Variants in MYBPC3 observed in about 807,000 individuals in gnomAD.
MYBPC3 encodes the protein myosin-binding protein C, cardiac-type.
MYBPC3 carries 108 observed loss-of-function variants against 159.3 expected under a neutral mutation model. The ratio of observed to expected loss-of-function variants is 0.68; its 90% confidence interval spans 0.58 to 0.80. The LOEUF is 0.80. Among genes scored for constraint, MYBPC3 ranks in the 30% least tolerant of loss-of-function variants. MYBPC3 has a pLI of 0.00. For missense variants in MYBPC3, 1,631 were observed against 1,762.1 expected, an observed-to-expected ratio of 0.93 and a Z score of 1.33; for synonymous variants, 730 against 702.0, an observed-to-expected ratio of 1.04 and a Z score of -0.63.
chr11:47,338,694 A>C lies in MYBPC3; in HGVS notation c.2149-15T>G. ...TCACACAGCAGCTGGGGGGGTGCAG[A>C]GTTGGGGTGAGATCCAAGTCAGACC... On this transcript the variant is annotated splice_polypyrimidine_tract_variant and intron_variant, in intron 22 of 34. Coordinates refer to ENST00000545968, the MANE Select transcript of MYBPC3 (RefSeq NM_000256.3). This position sits in a 1 kb window ranked among gnomAD's most constrained non-coding sequence, Gnocchi z 4.7. The C allele has an allele frequency of 6.3e-7, 1 of 1,599,984 alleles. No individual in the cohort carries two copies. The highest frequency in any genetic ancestry group is 1.3e-5 in the African/African-American group (1 of 74,798).
intron 13 of MYBPC3, 73 bp from the exon 14 acceptor site, chr11:47,343,335 G>A: frequency 1.3e-6 from 2 of 1,508,460 alleles, no homozygotes; most frequent in Non-Finnish European, 1.8e-6. Flanking sequence ...GAGAGAGAGA[G>A]AGGGACCGGC....
intron 27 of MYBPC3, among the ~76,000 whole-genome samples, 196 bp from the exon 28 acceptor site, chr11:47,334,206 CA>C (rs2095880172): frequency 6.6e-6 from 1 of 152,258 alleles, no homozygotes; most frequent in Non-Finnish European, 1.5e-5. Context: ...CCCCGAGCCT[CA>C]CCACTTCAAA....
chr11:47,335,856 G>A (rs781447027), intron 26 of MYBPC3, 21 bp downstream of exon 26: 2 of 1,412,718 alleles, frequency 1.4e-6, no homozygotes, highest in South Asian at 1.5e-5. Context: ...GGGGAGGGGG[G>A]TTGGGGGCGG....
chr11:47,339,909 G>A (rs367673188), intron 20 of MYBPC3, 119 bp from the exon 21 acceptor site: 4 of 1,138,030 alleles, frequency 3.5e-6, no homozygotes, highest in East Asian at 2.4e-5. Flanking sequence ...TTTGTATTGA[G>A]GTATAGTTTA....
rs1310929488 is a variant in MYBPC3, at chr11:47,351,270, C to T, written c.261G>A (p.Lys87=). ...GSYAVIAGSS[K]VKFDLKVIEA... ...CTATGACCTTGAGGTCGAACTTGACCTTGGAGGAGCCAGCAATGACTGCGT... is the reference window on the plus strand; with the variant it reads ...CTATGACCTTGAGGTCGAACTTGACTTTGGAGGAGCCAGCAATGACTGCGT... Residue 87 remains lysine, a synonymous_variant, in exon 2 of 35, where the codon AAG becomes AAA. Coordinates refer to ENST00000545968, the MANE Select transcript of MYBPC3 (RefSeq NM_000256.3). The surrounding 1 kb of genome is among the most constrained non-coding windows in gnomAD (Gnocchi z 4.2). 1.3e-6 allele frequency: 2 copies of T among 1,554,384 alleles called. No homozygotes were observed. The highest frequency in any genetic ancestry group is 1.7e-6 in the Non-Finnish European group (2 of 1,145,202).
At chr11:47,343,783 T>C (rs2095891710) in intron 12 of MYBPC3, among the ~76,000 whole-genome samples, 159 bp from the exon 13 acceptor site, 1 of 152,080 alleles carries the variant, frequency 6.6e-6, no homozygotes, top group Non-Finnish European at 1.5e-5. Context: ...TTTGTTTTGT[T>C]TGTTTGTCTG....
In MYBPC3 at chr11:47,342,917, G is replaced by A. The variant is rs370538243; in HGVS notation, c.1370C>T (p.Thr457Met). 1.1e-4 allele frequency: 177 copies of A among 1,611,942 alleles called. 1 individual carries two copies. In the South Asian group the frequency reaches 1.6e-3, roughly 14 times the overall value. The change falls in exon 16 of 35, where the codon ACG (threonine) becomes ATG (methionine). Residue 457 changes from threonine to methionine, a missense_variant. Transcript: ENST00000545968. ...LFVKEPPVLI[T>M]RPLEDQLVMV... Reference sequence around the variant, plus strand: ...CACCAGCTGGTCCTCCAAGGGGCGCGTGATGAGCACAGGGGGCTCTGTCCA... The same window carrying A: ...CACCAGCTGGTCCTCCAAGGGGCGCATGATGAGCACAGGGGGCTCTGTCCA...
rs2095902020 is a variant in MYBPC3 at position 47,352,664 on chromosome 11, C to T, written c.-17G>A. ...CTCAGGCATCCTGAGAGACGTCACA[C>T]CAGGCACGAAGCAGGCACAGGTCAC... On this transcript the variant is annotated 5_prime_UTR_variant, in exon 1 of 35. In the 5' UTR this introduces an upstream ATG that the reference lacks. Coordinates refer to ENST00000545968, the MANE Select transcript of MYBPC3 (RefSeq NM_000256.3). 6.3e-7 allele frequency: 1 copy of T among 1,587,676 alleles called. No homozygotes were observed. The highest frequency in any genetic ancestry group is 8.6e-7 in the Non-Finnish European group (1 of 1,167,382).
At position 47,346,472 on chromosome 11, in the gene MYBPC3, C is replaced by G; in HGVS notation, c.927-102G>C. The G allele has an allele frequency of 6.8e-7, 1 of 1,460,110 alleles. No homozygotes were observed. The highest frequency in any genetic ancestry group is 2.4e-5 in the East Asian group (1 of 40,932). The allele number at this position is 1,460,110 out of a possible 1,614,324, so 90.4% of individuals were successfully genotyped here. A position where few individuals can be genotyped will look rare whatever the true frequency, so the allele number is the denominator to read the frequency against. On this transcript the variant is annotated intron_variant, in intron 11 of 34. Coordinates refer to ENST00000545968, the MANE Select transcript of MYBPC3 (RefSeq NM_000256.3). The surrounding 1 kb of genome is among the most constrained non-coding windows in gnomAD (Gnocchi z 5.3). The stretch of plus-strand genomic sequence containing the variant: ...AGGAGCTGTAGCCACCCCTGTCCCT[C>G]TGCCCCTTCCCTTCTGGTGGGGCAG...
At position 47,332,160 on chromosome 11, in the gene MYBPC3, C is replaced by A. The variant is rs778267366; in HGVS notation, c.3726G>T (p.Lys1242Asn). The stretch of plus-strand genomic sequence containing the variant: ...AGATGCCCCCGTCAAAGGGGCAGGG[C>A]TTTCTAATCTCCAGAGTCAACACTC... ...KQGVLTLEIRKPCPFDGGIYV... is the reference protein window; with the variant it reads ...KQGVLTLEIRNPCPFDGGIYV... Residue 1242 changes from lysine to asparagine, a missense_variant, in exon 33 of 35, where the codon AAG (lysine) becomes AAT (asparagine). By Grantham distance (94) the Lys-to-Asn change is moderately conservative. Coordinates refer to ENST00000545968, the MANE Select transcript of MYBPC3 (RefSeq NM_000256.3). This position sits in a 1 kb window ranked among gnomAD's most constrained non-coding sequence, Gnocchi z 4.2. The A allele has an allele frequency of 4.3e-6, 7 of 1,613,682 alleles. No individual in the cohort carries two copies. Among genetic ancestry groups the A allele is most frequent in the Non-Finnish European group, 5.9e-6 (7 of 1,179,912 alleles).
intron 3 of MYBPC3, 78 bp downstream of exon 3, chr11:47,350,424 C>T (rs2095899497): frequency 1.3e-6 from 2 of 1,523,292 alleles, no homozygotes; most frequent in Non-Finnish European, 8.8e-7. Flanking sequence ...CCGCACCTGG[C>T]CCAGCAAAGG....
rs540631559 is a variant in MYBPC3, at chr11:47,341,609, C to G, written c.1791-365G>C. ...AGGGCCTCTGGCCAGAGCCGGCCTC[C>G]TTGGTGGCCTCCTGCCCTGCCCTGG... On this transcript the variant is annotated intron_variant, in intron 18 of 34. Coordinates refer to ENST00000545968, the MANE Select transcript of MYBPC3 (RefSeq NM_000256.3). Among the ~76,000 whole-genome samples, 4 of 152,288 alleles carry G rather than the reference C, an allele frequency of 2.6e-5. No individual in the cohort carries two copies. In the East Asian group the frequency reaches 7.7e-4, roughly 29 times the overall value.
In MYBPC3 at chr11:47,343,478, A is replaced by ACC; in HGVS notation, c.1223+12_1223+13dup. On this transcript the variant is annotated intron_variant, in intron 13 of 34. Coordinates refer to ENST00000545968, the MANE Select transcript of MYBPC3 (RefSeq NM_000256.3). ...CACCTCCACCCGAGCCCCCCTCCCC[A>ACC]CCCCAGGCTGCACCTGCCGCTCATC... 7.6e-7 allele frequency: 1 copy of ACC among 1,311,750 alleles called. No homozygotes were observed. The highest frequency in any genetic ancestry group is 1.0e-6 in the Non-Finnish European group (1 of 984,426). 81.3% of individuals were successfully genotyped at this position (1,311,750 alleles called of 1,614,324 possible).
chr11:47,350,619 G>T lies in MYBPC3; in HGVS notation c.293-4C>A. The stretch of plus-strand genomic sequence containing the variant: ...GCCAGCATGGGCTCTGCCTTCTCTG[G>T]AGGGGATCAGATGGGAGTCGTGGTG... On this transcript the variant is annotated splice_region_variant and splice_polypyrimidine_tract_variant and intron_variant, in intron 2 of 34. Transcript: ENST00000545968. 1 of 1,483,128 alleles carries T rather than the reference G, an allele frequency of 6.7e-7. No homozygotes were observed. Among genetic ancestry groups the T allele is most frequent in the Non-Finnish European group, 8.9e-7 (1 of 1,125,264 alleles). The allele number at this position is 1,483,128 out of a possible 1,614,324, so 91.9% of individuals were successfully genotyped here.
Position 47,346,430 on chromosome 11 carries a change from T to A in MYBPC3, c.927-60A>T. On this transcript the variant is annotated intron_variant, in intron 11 of 34. Transcript: ENST00000545968. This position sits in a 1 kb window ranked among gnomAD's most constrained non-coding sequence, Gnocchi z 5.3. ...AGACTGCAGCCCCCTGGGCGGGGCTTCCTGGGCCCAGGACCAAGGAGCTGT... is the reference window on the plus strand; with the variant it reads ...AGACTGCAGCCCCCTGGGCGGGGCTACCTGGGCCCAGGACCAAGGAGCTGT... 6.7e-7 allele frequency: 1 copy of A among 1,492,718 alleles called. No homozygotes were observed. The highest frequency in any genetic ancestry group is 9.0e-7 in the Non-Finnish European group (1 of 1,115,340). The allele number at this position is 1,492,718 out of a possible 1,614,324, so 92.5% of individuals were successfully genotyped here.
rs2095884339 is a variant in MYBPC3 at position 47,338,079 on chromosome 11, T to TG, written c.2309-286_2309-285insC. On this transcript the variant is annotated intron_variant, in intron 23 of 34. Coordinates refer to ENST00000545968, the MANE Select transcript of MYBPC3 (RefSeq NM_000256.3). This position sits in a 1 kb window ranked among gnomAD's most constrained non-coding sequence, Gnocchi z 4.7. Reference sequence around the variant, plus strand: ...CCTTTAAGGCTTCTCACTGCCCATATTCACCCCTGTCCTGGCTCTGATCCT... The same window carrying TG: ...CCTTTAAGGCTTCTCACTGCCCATATGTCACCCCTGTCCTGGCTCTGATCCT... Among the ~76,000 whole-genome samples, 1 of 151,528 alleles carries TG rather than the reference T, an allele frequency of 6.6e-6. No individual in the cohort carries two copies. Among genetic ancestry groups the TG allele is most frequent in the South Asian group, 2.1e-4 (1 of 4,796 alleles).
At chr11:47,337,629 A>G (rs1565625385) in intron 24 of MYBPC3, 50 bp from the exon 25 acceptor site, 2 of 1,611,980 alleles carry the variant, frequency 1.2e-6, no homozygotes, top group Non-Finnish European at 1.7e-6. Context: ...GCATCCCCAC[A>G]CCACCTTCCC....
intron 21 of MYBPC3, 53 bp from the exon 22 acceptor site, chr11:47,339,457 A>G (rs1161977218): frequency 1.3e-6 from 2 of 1,582,464 alleles, no homozygotes; most frequent in Admixed American, 3.4e-5. Flanking sequence ...CTCAGCCTGG[A>G]AGCGCCCCTC....
At position 47,346,655 on chromosome 11, in the gene MYBPC3, G is replaced by T. The variant is rs1198046425; in HGVS notation, c.909-11C>A. On this transcript the variant is annotated splice_polypyrimidine_tract_variant and intron_variant, in intron 10 of 34. Coordinates refer to ENST00000545968, the MANE Select transcript of MYBPC3 (RefSeq NM_000256.3). This position sits in a 1 kb window ranked among gnomAD's most constrained non-coding sequence, Gnocchi z 5.3. ...GGGGTCCGGAAACTGCTGCTCCAGG[G>T]GTGGGGGTGGGAGAAAGGGTAGGTG... 1 of 1,598,446 alleles carries T rather than the reference G, an allele frequency of 6.3e-7. No individual in the cohort carries two copies. The highest frequency in any genetic ancestry group is 8.5e-7 in the Non-Finnish European group (1 of 1,170,854).
Sources: allele counts gnomAD v4.1 joint callset (sites outside exome capture counted in the v4.1 genomes callset), GRCh38; gene constraint gnomAD v4.1.1; non-coding constraint Gnocchi (gnomAD v3.1); transcripts MANE v1.5; gene names NCBI Gene and HGNC (gene_info 2026-07-23, HGNC 2026-07-21).